The following PTPN14 variants were observed in gnomAD, a reference collection of about 807,000 sequenced individuals.
PTPN14 encodes the protein protein tyrosine phosphatase non-receptor type 14.
In PTPN14, 53 loss-of-function variants were observed where a neutral mutation model predicts 126.8. That is an observed-to-expected ratio of 0.42 (90% CI 0.34 to 0.53). The LOEUF is 0.53. PTPN14 is among the 20% of genes least tolerant of loss of function. PTPN14 has a pLI of 0.08. For missense variants in PTPN14, 1,257 were observed against 1,552.9 expected (o/e 0.81, Z 3.20); for synonymous variants, 630 against 599.3 (o/e 1.05, Z -0.75).
chr1:214,455,809 GGT>G (rs1466740765), intron 2 of PTPN14, among the ~76,000 whole-genome samples: 1 of 152,128 alleles, frequency 6.6e-6, no homozygotes, highest in Non-Finnish European at 1.5e-5. Context: ...GTGGCAGGTT[GGT>G]GTGTGGATAC....
At position 214,422,986 on chromosome 1, in the gene PTPN14, C is replaced by CA. The variant is rs145156696; in HGVS notation, c.345-8261dup. 3.0e-3 allele frequency among the ~76,000 whole-genome samples: 461 copies of CA among 152,128 alleles called. 11 individuals carry two copies. In the East Asian group the frequency reaches 0.053, roughly 17 times the overall value. ...AATTCTATATCCCTCGAGACTATGA[C>CA]AAAAATGGAAAGAATAGAATTTCCT... On this transcript the variant is annotated intron_variant, in intron 3 of 18. Coordinates refer to ENST00000366956, the MANE Select transcript of PTPN14 (RefSeq NM_005401.5).
intron 3 of PTPN14, among the ~76,000 whole-genome samples, chr1:214,415,059 C>T (rs1028415806): frequency 2.0e-5 from 3 of 152,098 alleles, no homozygotes; most frequent in African/African-American, 7.3e-5. Context: ...TGGAGACCCA[C>T]GACAACACGA....
At chr1:214,405,960 G>A (rs868464225) in intron 5 of PTPN14, among the ~76,000 whole-genome samples, 2 of 152,118 alleles carry the variant, frequency 1.3e-5, no homozygotes, top group African/African-American at 2.4e-5. Context: ...AAGGTGCCAC[G>A]AGATTGCCAA....
At chr1:214,507,416 G>C (rs1654869996) in intron 1 of PTPN14, among the ~76,000 whole-genome samples, 1 of 152,136 alleles carries the variant, frequency 6.6e-6, no homozygotes, top group Admixed American at 6.5e-5. Context: ...TATCAGTAAA[G>C]GACATCTCAG....
At chr1:214,370,760 G>T (rs1658200012) in intron 16 of PTPN14, among the ~76,000 whole-genome samples, 1 of 150,946 alleles carries the variant, frequency 6.6e-6, no homozygotes, top group Non-Finnish European at 1.5e-5. Flanking sequence ...GGCGGAGTGT[G>T]GAGGAGGTGG....
chr1:214,515,201 A>C (rs1331863866), intron 1 of PTPN14, among the ~76,000 whole-genome samples: 1 of 152,258 alleles, frequency 6.6e-6, no homozygotes, highest in Non-Finnish European at 1.5e-5. Flanking sequence ...GATTAAAGAC[A>C]ATGAAAAATT....
intron 3 of PTPN14, among the ~76,000 whole-genome samples, chr1:214,447,339 T>C (rs1377022651): frequency 2.0e-5 from 3 of 152,158 alleles, no homozygotes; most frequent in African/African-American, 4.8e-5. Context: ...GTAGCATTTT[T>C]CACCTTGTGT....
intron 5 of PTPN14, among the ~76,000 whole-genome samples, chr1:214,408,627 T>C (rs1309273747): frequency 6.6e-6 from 1 of 152,162 alleles, no homozygotes; most frequent in Non-Finnish European, 1.5e-5. Context: ...CAATAATAAA[T>C]ACATACATAT....
intron 1 of PTPN14, among the ~76,000 whole-genome samples, chr1:214,471,825 G>A (rs1660765331): frequency 6.6e-6 from 1 of 152,214 alleles, no homozygotes; most frequent in African/African-American, 2.4e-5. Context: ...AGCCCATCCT[G>A]GGTGGGAAGA....
At chr1:214,410,905 C>T (rs1176341395) in intron 5 of PTPN14, among the ~76,000 whole-genome samples, 1 of 152,052 alleles carries the variant, frequency 6.6e-6, no homozygotes, top group Non-Finnish European at 1.5e-5. Flanking sequence ...CTGCTTAGTT[C>T]TTTTGCTCAA....
In PTPN14 at chr1:214,443,699, C is replaced by A. The variant is rs1048286295; in HGVS notation, c.344+8106G>T. On this transcript the variant is annotated intron_variant, in intron 3 of 18. Coordinates refer to ENST00000366956, the MANE Select transcript of PTPN14 (RefSeq NM_005401.5). ...AATGCAGAATCCACTGTTGAAAAAC[C>A]AAAAAACTTCAGGATGGCAACAGCA... Among the ~76,000 whole-genome samples, 13 of 152,076 alleles carry A rather than the reference C, an allele frequency of 8.5e-5. No homozygotes were observed. In the East Asian group the frequency reaches 2.1e-3, roughly 25 times the overall value.
intron 1 of PTPN14, among the ~76,000 whole-genome samples, chr1:214,470,829 C>G (rs1288914531): frequency 1.4e-5 from 2 of 139,070 alleles, no homozygotes; most frequent in Non-Finnish European, 3.0e-5. Context: ...ACCGGGCCAA[C>G]ATGGCGAAAC....
intron 1 of PTPN14, among the ~76,000 whole-genome samples, chr1:214,503,167 TA>T (rs1447546577): frequency 1.3e-5 from 2 of 152,102 alleles, no homozygotes; most frequent in African/African-American, 4.8e-5. Context: ...AAATAAGCAA[TA>T]ACAATAATAA....
In PTPN14 at chr1:214,464,927, T is replaced by A. The variant is rs1660596716; in HGVS notation, c.-124A>T. On this transcript the variant is annotated 5_prime_UTR_variant, in exon 2 of 19. Transcript: ENST00000366956. ...GCTCCTCCAGGCAGGGAAAAGGGTG[T>A]CCATGCCCAGTGTGGCCCTCTGGAA... The A allele has an allele frequency of 8.1e-7, 1 of 1,239,372 alleles. No homozygotes were observed. Among genetic ancestry groups the A allele is most frequent in the South Asian group, 1.5e-5 (1 of 67,818 alleles). 76.8% of individuals were successfully genotyped at this position (1,239,372 alleles called of 1,614,324 possible).
intron 1 of PTPN14, chr1:214,528,828 G>C (rs1655466225): frequency 1.3e-5 from 2 of 151,986 alleles, no homozygotes. Flanking sequence ...CTACTCAGGA[G>C]ACTGAGGCAC....
rs9429919 is a variant in PTPN14, at chr1:214,352,989, A to G, written c.*4933T>C. On this transcript the variant is annotated 3_prime_UTR_variant, in exon 19 of 19. Transcript: ENST00000366956. Reference sequence around the variant, plus strand: ...ATGTCTTACTCTAGGAGCTCCACAGAGTTATTTCTGACACTGAGTAAGAAC... The same window carrying G: ...ATGTCTTACTCTAGGAGCTCCACAGGGTTATTTCTGACACTGAGTAAGAAC... 0.35 allele frequency: 53,245 copies of G among 151,982 alleles called. 9,809 individuals are homozygous for G. Among genetic ancestry groups the G allele is most frequent in the African/African-American group, 0.43 (17,833 of 41,436 alleles). The allele number at this position is 151,982 out of a possible 1,614,324, so 9.4% of individuals were successfully genotyped here.
intron 1 of PTPN14, among the ~76,000 whole-genome samples, chr1:214,516,718 T>A (rs2102451227): frequency 6.6e-6 from 1 of 152,028 alleles, no homozygotes; most frequent in Admixed American, 6.5e-5. Flanking sequence ...GCAATGTTTG[T>A]TTGAAAACAC....
intron 11 of PTPN14, among the ~76,000 whole-genome samples, chr1:214,387,268 T>C (rs1658641414): frequency 6.6e-6 from 1 of 152,226 alleles, no homozygotes; most frequent in Non-Finnish European, 1.5e-5. Flanking sequence ...TTAGAAAAGG[T>C]AAATTATTCA....
At position 214,485,581 on chromosome 1, in the gene PTPN14, A is replaced by G. The variant is rs151216315; in HGVS notation, c.-154-20624T>C. ...GTGGACCTACAGGTAAATTCAAAGT[A>G]CAACTGACCTAGACTTCCAACTCCT... On this transcript the variant is annotated intron_variant, in intron 1 of 18. Coordinates refer to ENST00000366956, the MANE Select transcript of PTPN14 (RefSeq NM_005401.5). 3.5e-3 allele frequency among the ~76,000 whole-genome samples: 535 copies of G among 152,350 alleles called. 17 individuals carry two copies. The East Asian group carries it at 0.039, about 11-fold the overall frequency.
Sources: allele counts gnomAD v4.1 joint callset (sites outside exome capture counted in the v4.1 genomes callset), GRCh38; gene constraint gnomAD v4.1.1; transcripts MANE v1.5; gene names NCBI Gene and HGNC (gene_info 2026-07-23, HGNC 2026-07-21).